Variants in ESYT1 observed in about 807,000 individuals in gnomAD.
The protein encoded by ESYT1 is extended synaptotagmin-1.
ESYT1 carries 116 observed loss-of-function variants against 154.2 expected under a neutral mutation model. That is an observed-to-expected ratio of 0.75 (90% CI 0.65 to 0.88). The LOEUF (loss-of-function observed/expected upper bound fraction) is 0.88. ESYT1 is among the 40% of genes least tolerant of loss of function. The pLI, the probability that ESYT1 is intolerant of heterozygous loss-of-function variation, is 0.00. For synonymous variants in ESYT1, 500 were observed against 539.9 expected, an observed-to-expected ratio of 0.93 and a Z score of 1.02; for missense variants, 1,264 against 1,379.3, an observed-to-expected ratio of 0.92 and a Z score of 1.32.
At chr12:56,136,349 C>T (rs2136877565) in intron 15 of ESYT1, among the ~76,000 whole-genome samples, 1 of 152,036 alleles carries the variant, frequency 6.6e-6, no homozygotes, top group South Asian at 2.1e-4. Context: ...AAAGATGGCT[C>T]TGGCCGAGGT....
At chr12:56,134,587 C>A (rs890185162) in intron 15 of ESYT1, among the ~76,000 whole-genome samples, 159 bp downstream of exon 15, 1 of 151,820 alleles carries the variant, frequency 6.6e-6, no homozygotes. Flanking sequence ...CCCCAACTGT[C>A]GCTCCAGAAT....
Position 56,133,107 on chromosome 12 carries a change from C to T in ESYT1, c.1244+306C>T, listed in dbSNP as rs754604042. On this transcript the variant is annotated intron_variant, in intron 10 of 30. Coordinates refer to ENST00000394048, the MANE Select transcript of ESYT1 (RefSeq NM_015292.3). ...CTGCACTCCAGCCTGGGCGACAGAG[C>T]GAGACTCTGTCTCTAAAGAAAAAAA... is the stretch of plus-strand genomic sequence containing the variant. Among the ~76,000 whole-genome samples the T allele has an allele frequency of 3.6e-4, 55 of 151,470 alleles. 1 individual carries two copies. Among genetic ancestry groups the T allele is most frequent in the Middle Eastern group, 3.4e-3 (1 of 294 alleles).
rs1870843381 is a variant in ESYT1 at position 56,144,539 on chromosome 12, G to GGA, written c.*678_*679insAG. On this transcript the variant is annotated 3_prime_UTR_variant, in exon 31 of 31. Coordinates refer to ENST00000394048, the MANE Select transcript of ESYT1 (RefSeq NM_015292.3). ...ATACGGAGAGGGCTTTGGAGGACTT[G>GGA]GGACAGCAGGGCCAATTTTTTTGCC... 2.0e-6 allele frequency: 2 copies of GGA among 985,430 alleles called. No homozygotes were observed. The highest frequency in any genetic ancestry group is 6.1e-5 in the Admixed American group (1 of 16,264). 61.0% of individuals were successfully genotyped at this position (985,430 alleles called of 1,614,324 possible). A position where few individuals can be genotyped will look rare whatever the true frequency, so the allele number is the denominator to read the frequency against.
intron 6 of ESYT1, 47 bp downstream of exon 6, chr12:56,131,613 G>T (rs372728553): frequency 1.2e-6 from 2 of 1,609,362 alleles, no homozygotes; most frequent in Non-Finnish European, 1.7e-6. Flanking sequence ...AGAAACAGAG[G>T]ACTGGGAGGA....
chr12:56,138,907 T>C lies in ESYT1; in HGVS notation c.2506-20T>C. On this transcript the variant is annotated intron_variant, in intron 23 of 30. Transcript: ENST00000394048. ...AAATAAGAGTATCAGCTACTGATCA[T>C]AAGCCCTCATCTCCACCAGACTATT... 1 of 1,613,004 alleles carries C rather than the reference T, an allele frequency of 6.2e-7. No homozygotes were observed. The highest frequency in any genetic ancestry group is 8.5e-7 in the Non-Finnish European group (1 of 1,178,948).
intron 24 of ESYT1, among the ~76,000 whole-genome samples, chr12:56,140,285 C>G (rs1464847738): frequency 2.6e-5 from 4 of 152,114 alleles, no homozygotes; most frequent in Non-Finnish European, 5.9e-5. Flanking sequence ...GAGAGGCAGG[C>G]AGAGCAAGAT....
At chr12:56,135,161 T>G (rs1304187996) in intron 15 of ESYT1, among the ~76,000 whole-genome samples, 1 of 151,740 alleles carries the variant, frequency 6.6e-6, no homozygotes, top group Non-Finnish European at 1.5e-5. Flanking sequence ...TCAATAAAAT[T>G]GCTAACATTC....
intron 24 of ESYT1, among the ~76,000 whole-genome samples, chr12:56,140,088 G>C (rs753059320): frequency 6.6e-6 from 1 of 151,682 alleles, no homozygotes; most frequent in African/African-American, 2.4e-5. Context: ...GGCTGGTCTC[G>C]AACTCCTGGA....
At chr12:56,132,903 G>A (rs1039087092) in intron 10 of ESYT1, 102 bp downstream of exon 10, 19 of 930,884 alleles carry the variant, frequency 2.0e-5, no homozygotes, top group African/African-American at 1.6e-4. Context: ...GGCGGATCAC[G>A]AGGTCAGGAG....
At position 56,134,118 on chromosome 12, in the gene ESYT1, G is replaced by A. The variant is rs771895295; in HGVS notation, c.1482G>A (p.Lys494=). ...AATTGTACCCACCACAGCTGAAGAA[G>A]GGGAACAAGGAACCCAACCCTATGG... ...LDRAQDLPLK[K]GNKEPNPMVQ... is the part of the protein sequence containing the mutation. The change falls in exon 14 of 31, where the codon AAG becomes AAA. Residue 494 remains lysine (K), a synonymous_variant. Transcript: ENST00000394048. 9 of 1,614,000 alleles carry A rather than the reference G, an allele frequency of 5.6e-6. No homozygotes were observed. Among genetic ancestry groups the A allele is most frequent in the Non-Finnish European group, 7.6e-6 (9 of 1,180,002 alleles).
intron 14 of ESYT1, 68 bp from the exon 15 acceptor site, chr12:56,134,274 A>C (rs1005527989): frequency 1.1e-5 from 17 of 1,595,362 alleles, no homozygotes; most frequent in Non-Finnish European, 1.0e-5. Flanking sequence ...TGTTACATGC[A>C]GGGGTTTTCT....
intron 15 of ESYT1, among the ~76,000 whole-genome samples, chr12:56,135,589 G>C (rs547416219): frequency 6.6e-6 from 1 of 151,962 alleles, no homozygotes; most frequent in East Asian, 1.9e-4. Flanking sequence ...AATCATTCAA[G>C]AACAAGTACA....
chr12:56,128,479 G>A lies in ESYT1; in HGVS notation c.160G>A (p.Val54Met), dbSNP rs1870093537. The change falls in exon 1 of 31, where the codon GTG becomes ATG. Residue 54 changes from valine to methionine, a missense_variant. Val to Met is a conservative substitution (Grantham distance 21). Coordinates refer to ENST00000394048, the MANE Select transcript of ESYT1 (RefSeq NM_015292.3). ...TGGCGCGGCGGGTGAGGCCCTGGCGGTGCTGACTTCATTCGGGAGGCGGTT... is the reference window on the plus strand; with the variant it reads ...TGGCGCGGCGGGTGAGGCCCTGGCGATGCTGACTTCATTCGGGAGGCGGTT... The part of the protein sequence containing the change: ...GPGAAGEALA[V>M]LTSFGRRLLV... 6.2e-7 allele frequency: 1 copy of A among 1,611,110 alleles called. No homozygotes were observed. Among genetic ancestry groups the A allele is most frequent in the Non-Finnish European group, 8.5e-7 (1 of 1,178,616 alleles).
At position 56,142,640 on chromosome 12, in the gene ESYT1, A is replaced by G; in HGVS notation, c.2796A>G (p.Ser932=). ...AHSHSYSHSS[S]SLSEEPELSG... is the part of the protein sequence containing the mutation. ...GCCACAGCTACAGCCACAGCTCCTCATCGCTGAGTGAAGAACCAGAGCTCT... is the reference window on the plus strand; with the variant it reads ...GCCACAGCTACAGCCACAGCTCCTCGTCGCTGAGTGAAGAACCAGAGCTCT... The change falls in exon 26 of 31, where the codon TCA becomes TCG. Residue 932 remains serine, a synonymous_variant. Transcript: ENST00000394048. This position sits in a 1 kb window ranked among gnomAD's most constrained non-coding sequence, Gnocchi z 4.1. 6.2e-7 allele frequency: 1 copy of G among 1,614,026 alleles called. No homozygotes were observed. Among genetic ancestry groups the G allele is most frequent in the Non-Finnish European group, 8.5e-7 (1 of 1,179,988 alleles).
Position 56,143,242 on chromosome 12 carries a change from T to TC in ESYT1, c.3139dup (p.Leu1047ProfsTer3), listed in dbSNP as rs771670480. ...TCCTACCCCAGGTTTGAGTGGGAAC[T>TC]CCCCCTGGATGAGGCCCAGAGACGA... is the stretch of plus-strand genomic sequence containing the variant. On this transcript the variant is annotated frameshift_variant, in exon 29 of 31. Transcript: ENST00000394048. LOFTEE classifies it high-confidence loss of function. The TC allele has an allele frequency of 6.2e-7, 1 of 1,613,900 alleles. No individual in the cohort carries two copies. The highest frequency in any genetic ancestry group is 8.5e-7 in the Non-Finnish European group (1 of 1,179,992).
In ESYT1 at chr12:56,131,288, T is replaced by C; in HGVS notation, c.686T>C (p.Phe229Ser). The C allele has an allele frequency of 1.2e-6, 2 of 1,614,152 alleles. No individual in the cohort carries two copies. The highest frequency in any genetic ancestry group is 1.7e-6 in the Non-Finnish European group (2 of 1,180,032). Residue 229 changes from phenylalanine to serine, a missense_variant, in exon 5 of 31, where the codon TTT (phenylalanine) becomes TCT (serine). By Grantham distance (155) the Phe-to-Ser change is radical. Transcript: ENST00000394048. ...VQIDVEVKKY[F>S]CKAGVKGMQL... ...ATTGATGTGGAAGTGAAGAAATATT[T>C]TTGCAAAGCAGGAGTCAAGGGCATG...
At chr12:56,139,522 G>A (rs544039419) in intron 24 of ESYT1, among the ~76,000 whole-genome samples, 2 of 152,004 alleles carry the variant, frequency 1.3e-5, no homozygotes, top group South Asian at 4.2e-4. Context: ...GGGGAAGAAA[G>A]GAAGGGTTCA....
Position 56,128,331 on chromosome 12 carries a change from TC to T in ESYT1, c.14del (p.Pro5GlnfsTer51). 6.2e-7 allele frequency: 1 copy of T among 1,610,862 alleles called. No homozygotes were observed. On this transcript the variant is annotated frameshift_variant, in exon 1 of 31. Transcript: ENST00000394048. LOFTEE classifies it high-confidence loss of function. ...CCAGAGGTGGCACAATGGAGCGATC[TC>T]CAGGAGAGGGCCCCAGCCCCAGCCC... is the stretch of plus-strand genomic sequence containing the variant. MERS[P>X]GEGPSPSPMD...
intron 22 of ESYT1, 80 bp from the exon 23 acceptor site, chr12:56,138,688 G>T: frequency 7.0e-7 from 1 of 1,429,372 alleles, no homozygotes; most frequent in Non-Finnish European, 9.9e-7. Flanking sequence ...AGACATGGCT[G>T]CTGGCTGTGG....
Sources: allele counts gnomAD v4.1 joint callset (sites outside exome capture counted in the v4.1 genomes callset), GRCh38; gene constraint gnomAD v4.1.1; non-coding constraint Gnocchi (gnomAD v3.1); transcripts MANE v1.5; gene names NCBI Gene and HGNC (gene_info 2026-07-23, HGNC 2026-07-21).